The following CPQ variants were observed in gnomAD, a reference collection of about 807,000 sequenced individuals.
CPQ encodes carboxypeptidase Q.
A neutral mutation model predicts 45.7 loss-of-function variants in CPQ; 37 were observed. The ratio of observed to expected loss-of-function variants is 0.81; its 90% CI spans 0.62 to 1.07. The LOEUF (loss-of-function observed/expected upper bound fraction) is 1.07, where lower values mean the gene tolerates loss of function less well. Ranked by LOEUF, CPQ falls within the 50% of genes least tolerant of loss-of-function variation. The probability of loss-of-function intolerance (pLI) is 0.00; values close to 1 mark genes in which losing one functional copy is unlikely to be tolerated. For missense variants in CPQ, 537 were observed against 572.9 expected (o/e 0.94, Z 0.64); for synonymous variants, 186 against 205.8 (o/e 0.90, Z 0.82).
chr8:96,718,779 T>C (rs1163042808), intron 1 of CPQ, among the ~76,000 whole-genome samples: 1 of 152,106 alleles, frequency 6.6e-6, no homozygotes, highest in Non-Finnish European at 1.5e-5. Flanking sequence ...AGGTTCTCCA[T>C]GTCCCCACTA....
At chr8:96,954,979 T>A (rs1431084008) in intron 4 of CPQ, among the ~76,000 whole-genome samples, 3 of 152,212 alleles carry the variant, frequency 2.0e-5, no homozygotes, top group Non-Finnish European at 4.4e-5. Flanking sequence ...TGCCACATTT[T>A]CTTAATCCAG....
At position 96,734,487 on chromosome 8, in the gene CPQ, G is replaced by A. The variant is rs552012990; in HGVS notation, c.-34-50377G>A. 4.6e-4 allele frequency among the ~76,000 whole-genome samples: 70 copies of A among 152,180 alleles called. No homozygotes were observed. The Middle Eastern group carries it at 0.01, about 22-fold the overall frequency. The stretch of plus-strand genomic sequence containing the variant: ...AGCACTTTGGGAGGCCCAGGCGGAC[G>A]GATCACAAGGTCAGGAGATCGAGAC... On this transcript the variant is annotated intron_variant, in intron 1 of 7. Coordinates refer to ENST00000220763, the MANE Select transcript of CPQ (RefSeq NM_016134.4).
chr8:96,934,720 C>T (rs905688076), intron 4 of CPQ, among the ~76,000 whole-genome samples: 1 of 152,148 alleles, frequency 6.6e-6, no homozygotes, highest in Non-Finnish European at 1.5e-5. Flanking sequence ...CCCTGTAGAG[C>T]AGCTCCTTTT....
At chr8:96,958,181 G>A (rs900983074) in intron 4 of CPQ, among the ~76,000 whole-genome samples, 1 of 151,994 alleles carries the variant, frequency 6.6e-6, no homozygotes, top group African/African-American at 2.4e-5. Flanking sequence ...CATGACAAAG[G>A]CCTGGGACAT....
intron 2 of CPQ, among the ~76,000 whole-genome samples, chr8:96,806,558 A>G (rs1180497819): frequency 6.6e-6 from 1 of 152,214 alleles, no homozygotes; most frequent in Non-Finnish European, 1.5e-5. Context: ...AAATACTAGA[A>G]AGCAGTTAAA....
At chr8:96,829,386 T>G (rs1245899464) in intron 2 of CPQ, among the ~76,000 whole-genome samples, 1 of 152,106 alleles carries the variant, frequency 6.6e-6, no homozygotes, top group Non-Finnish European at 1.5e-5. Context: ...CCTCTTTCTC[T>G]CAACTAGTAG....
intron 5 of CPQ, among the ~76,000 whole-genome samples, chr8:97,003,767 G>T (rs10090493): frequency 0.11 from 16,746 of 152,132 alleles, 1,272 homozygotes; most frequent in Admixed American, 0.16. Context: ...ACCAAGGAAG[G>T]GGGGATAATT....
At chr8:96,697,689 A>G (rs1170404551) in intron 1 of CPQ, among the ~76,000 whole-genome samples, 4 of 152,170 alleles carry the variant, frequency 2.6e-5, no homozygotes, top group Non-Finnish European at 5.9e-5. Flanking sequence ...AACATATAAA[A>G]ATGAGTAGTA....
chr8:96,961,277 A>T (rs1813457431), intron 4 of CPQ, among the ~76,000 whole-genome samples: 1 of 152,186 alleles, frequency 6.6e-6, no homozygotes, highest in African/African-American at 2.4e-5. Flanking sequence ...TTTAATTTAC[A>T]TTTACATTTC....
chr8:96,780,327 C>T (rs1810670354), intron 1 of CPQ, among the ~76,000 whole-genome samples: 1 of 152,026 alleles, frequency 6.6e-6, no homozygotes, highest in Admixed American at 6.6e-5. Context: ...TAAGTGGAGG[C>T]ATTTGCCAGA....
At chr8:97,016,099 A>G (rs1010568598) in intron 5 of CPQ, among the ~76,000 whole-genome samples, 5 of 152,248 alleles carry the variant, frequency 3.3e-5, no homozygotes, top group African/African-American at 1.2e-4. Flanking sequence ...TAAAAATAAA[A>G]TAATTAAAGA....
At chr8:96,972,620 G>A (rs893395457) in intron 5 of CPQ, among the ~76,000 whole-genome samples, 3 of 152,152 alleles carry the variant, frequency 2.0e-5, no homozygotes, top group East Asian at 1.9e-4. Context: ...AAGGACCCTC[G>A]CAGAGACGAC....
intron 1 of CPQ, among the ~76,000 whole-genome samples, chr8:96,664,921 A>G (rs1416647060): frequency 2.0e-5 from 3 of 152,132 alleles, no homozygotes; most frequent in Non-Finnish European, 4.4e-5. Context: ...GCTCAAGAGC[A>G]TTTTTTTAAG....
intron 1 of CPQ, among the ~76,000 whole-genome samples, chr8:96,688,304 C>T (rs1314829753): frequency 6.6e-6 from 1 of 152,036 alleles, no homozygotes; most frequent in East Asian, 1.9e-4. Flanking sequence ...CTTTGCCTTT[C>T]CTTTTATTTT....
At chr8:96,790,626 T>A (rs1018900149) in intron 2 of CPQ, among the ~76,000 whole-genome samples, 1 of 152,056 alleles carries the variant, frequency 6.6e-6, no homozygotes, top group Non-Finnish European at 1.5e-5. Context: ...CGTTCTTGTC[T>A]GCACTTGGTC....
chr8:97,129,437 TC>T (rs1811902078), intron 7 of CPQ, among the ~76,000 whole-genome samples: 1 of 152,274 alleles, frequency 6.6e-6, no homozygotes, highest in Non-Finnish European at 1.5e-5. Context: ...AATTATAGAA[TC>T]ATTGTGAGGC....
chr8:96,841,513 G>T (rs1811608664), intron 3 of CPQ, among the ~76,000 whole-genome samples: 1 of 152,150 alleles, frequency 6.6e-6, no homozygotes, highest in Non-Finnish European at 1.5e-5. Context: ...TTTCTCCATT[G>T]CCCCAGATAG....
intron 1 of CPQ, among the ~76,000 whole-genome samples, chr8:96,687,627 TTTC>T (rs1465685482): frequency 3.3e-5 from 5 of 152,138 alleles, no homozygotes; most frequent in Non-Finnish European, 7.4e-5. Context: ...TCTTTCATTC[TTTC>T]TTGTTTATTA....
intron 7 of CPQ, among the ~76,000 whole-genome samples, chr8:97,142,293 A>G (rs935853128): frequency 2.6e-5 from 4 of 152,198 alleles, no homozygotes; most frequent in African/African-American, 9.6e-5. Context: ...TCAAGGATAA[A>G]TAAGAGACAA....
Sources: allele counts gnomAD v4.1 joint callset (sites outside exome capture counted in the v4.1 genomes callset), GRCh38; gene constraint gnomAD v4.1.1; transcripts MANE v1.5; gene names NCBI Gene and HGNC (gene_info 2026-07-23, HGNC 2026-07-21).